The following N4BP2L2 variants were observed in gnomAD, a reference collection of about 807,000 sequenced individuals.
The protein encoded by N4BP2L2 is NEDD4 binding protein 2 like 2.
In N4BP2L2, 50 loss-of-function variants were observed where a neutral mutation model predicts 56.2. The ratio of observed to expected loss-of-function variants is 0.89; its 90% CI spans 0.71 to 1.13. N4BP2L2 has a LOEUF of 1.13. Ranked by LOEUF, N4BP2L2 falls within the 50% of genes most tolerant of loss-of-function variation. N4BP2L2 has a pLI of 0.00. For missense variants in N4BP2L2, 689 were observed against 693.8 expected, an observed-to-expected ratio of 0.99 and a Z score of 0.08; for synonymous variants, 203 against 223.6, an observed-to-expected ratio of 0.91 and a Z score of 0.82.
intron 3 of N4BP2L2, chr13:32,525,025 A>T (rs953540147): frequency 3.3e-5 from 5 of 152,300 alleles, no homozygotes; most frequent in Non-Finnish European, 7.3e-5. Flanking sequence ...GGCCTCCCAA[A>T]GTGCTGGGAT....
In N4BP2L2 at chr13:32,533,270, C is replaced by T. The variant is rs548747569; in HGVS notation, c.1259+2499G>A. Among the ~76,000 whole-genome samples, 4 of 152,132 alleles carry T rather than the reference C, an allele frequency of 2.6e-5. No homozygotes were observed. The South Asian group carries it at 6.2e-4, about 24-fold the overall frequency. ...TTAGGGGGAAAAGTGACATCTTTATCGGGCTATCCTACCCATAAACACCCT... is the reference window on the plus strand; with the variant it reads ...TTAGGGGGAAAAGTGACATCTTTATTGGGCTATCCTACCCATAAACACCCT... On this transcript the variant is annotated intron_variant, in intron 2 of 5. Transcript: ENST00000267068.
In N4BP2L2 at chr13:32,477,269, C is replaced by G. The variant is rs1041090195; in HGVS notation, c.366-33143G>C. On this transcript the variant is annotated intron_variant, in intron 6 of 9. Transcript: ENST00000357505. The stretch of plus-strand genomic sequence containing the variant: ...GGCTAAAAGGCTGCACCATTTACAT[C>G]AATGACCCCCTTAAGAACCATTTGC... 1.6e-4 allele frequency: 44 copies of G among 267,696 alleles called. No individual in the cohort carries two copies. The Admixed American group carries it at 2.0e-3, about 12-fold the overall frequency. The allele number at this position is 267,696 out of a possible 1,614,324, so 16.6% of individuals were successfully genotyped here.
intron 3 of N4BP2L2, chr13:32,522,577 TATAAG>T (rs549107146): frequency 9.7e-5 from 18 of 186,442 alleles, no homozygotes; most frequent in Non-Finnish European, 2.0e-4. Context: ...TTATGGGAAA[TATAAG>T]AGATGAACAA....
chr13:32,521,645 T>C (rs555784248), intron 4 of N4BP2L2, 196 bp from the exon 5 acceptor site: 1 of 484,454 alleles, frequency 2.1e-6, no homozygotes, highest in Non-Finnish European at 3.6e-6. Context: ...TCTCAAGGAA[T>C]AGTAATTCCT....
chr13:32,457,484 C>T (rs558640175), intron 6 of N4BP2L2, among the ~76,000 whole-genome samples: 1 of 152,202 alleles, frequency 6.6e-6, no homozygotes, highest in East Asian at 1.9e-4. Flanking sequence ...AAGAAAAAAA[C>T]ATCTAGTTAC....
At chr13:32,457,522 A>C (rs2079175963) in intron 6 of N4BP2L2, among the ~76,000 whole-genome samples, 1 of 152,242 alleles carries the variant, frequency 6.6e-6, no homozygotes. Flanking sequence ...TCAGATTAAC[A>C]GTGGATTTAT....
Position 32,443,928 on chromosome 13 carries a change from T to G in N4BP2L2, c.564A>C (p.Ser188=), listed in dbSNP as rs748430565. 13 of 1,589,688 alleles carry G rather than the reference T, an allele frequency of 8.2e-6. No individual in the cohort carries two copies. In the South Asian group the frequency reaches 1.5e-4, roughly 18 times the overall value. ...GTAGACCATCAATGAAGGGATATTCTGATTCTCTTCTGGTCTTTTCAATGT... is the reference window on the plus strand; with the variant it reads ...GTAGACCATCAATGAAGGGATATTCGGATTCTCTTCTGGTCTTTTCAATGT... Residue 188 remains serine, a synonymous_variant, in exon 7 of 10, where the codon TCA becomes TCC. Transcript: ENST00000357505.
At chr13:32,498,706 A>T (rs192164122) in intron 6 of N4BP2L2, among the ~76,000 whole-genome samples, 1,829 of 151,928 alleles carry the variant, frequency 0.012, 53 homozygotes, top group Non-Finnish European at 0.011. Context: ...GAATTTTTTT[A>T]AAAATTTATC....
At position 32,517,954 on chromosome 13, in the gene N4BP2L2, G is replaced by GATCCAAC; in HGVS notation, c.1593_1599dup (p.Arg534ValfsTer5). On this transcript the variant is annotated frameshift_variant, in exon 6 of 6. Coordinates refer to ENST00000267068, the Ensembl canonical transcript of N4BP2L2. LOFTEE classifies it high-confidence loss of function. Reference sequence around the variant, plus strand: ...GAAATGGACATTTGATATTCATAACGATCCAACATCTGAGCAATCTTCTTT... The same window carrying GATCCAAC: ...GAAATGGACATTTGATATTCATAACGATCCAACATCCAACATCTGAGCAATCTTCTTT... The GATCCAAC allele has an allele frequency of 1.2e-6, 2 of 1,613,876 alleles. No homozygotes were observed. The highest frequency in any genetic ancestry group is 2.2e-5 in the South Asian group (2 of 91,066).
chr13:32,498,863 G>A (rs1433811976), intron 6 of N4BP2L2, among the ~76,000 whole-genome samples: 1 of 150,746 alleles, frequency 6.6e-6, no homozygotes, highest in African/African-American at 2.4e-5. Flanking sequence ...GGGCAGGGTG[G>A]CACACACCTG....
downstream of N4BP2L2, chr13:32,505,465 T>C (rs868721046): frequency 6.6e-6 from 1 of 152,200 alleles, no homozygotes; most frequent in South Asian, 2.1e-4. Flanking sequence ...GACTGAGAAT[T>C]TTCCGAATCT....
intron 6 of N4BP2L2, among the ~76,000 whole-genome samples, chr13:32,451,782 C>G (rs2078073693): frequency 6.6e-6 from 1 of 151,390 alleles, no homozygotes; most frequent in African/African-American, 2.4e-5. Context: ...AACTCCTGGG[C>G]TCAAGCAATC....
At chr13:32,470,773 T>C (rs146164124) in intron 6 of N4BP2L2, among the ~76,000 whole-genome samples, 1 of 152,218 alleles carries the variant, frequency 6.6e-6, no homozygotes, top group Non-Finnish European at 1.5e-5. Flanking sequence ...CGGAGTATGC[T>C]GAGTACAAGT....
rs539023494 is a variant in N4BP2L2, at chr13:32,471,057, G to C, written c.366-26931C>G. ...CTGAACTCAGTGCAATGTGAATGAT[G>C]ATCAACAAGGAGGTGACACCTACAG... On this transcript the variant is annotated intron_variant, in intron 6 of 9. Coordinates refer to the N4BP2L2 transcript ENST00000357505. Among the ~76,000 whole-genome samples, 11 of 152,326 alleles carry C rather than the reference G, an allele frequency of 7.2e-5. No homozygotes were observed. The South Asian group carries it at 2.3e-3, about 32-fold the overall frequency.
In N4BP2L2 at chr13:32,535,770, G is replaced by A. The variant is rs200661050; in HGVS notation, c.1258C>T (p.Arg420Ter). 4.7e-5 allele frequency: 75 copies of A among 1,610,394 alleles called. No homozygotes were observed. Among genetic ancestry groups the A allele is most frequent in the South Asian group, 1.1e-4 (10 of 90,682 alleles). Residue 420 changes from arginine to a stop codon, truncating the protein, a stop_gained and splice_region_variant, in exon 2 of 6, where the codon CGA becomes TGA. Transcript: ENST00000267068. LOFTEE classifies it high-confidence loss of function. ...ATTCAGTTGGTATCCTTTACTTACC[G>A]AGACAATGTTGTTTTCCCAGAACCA...
chr13:32,465,015 G>A (rs2080963044), intron 6 of N4BP2L2, among the ~76,000 whole-genome samples: 1 of 151,746 alleles, frequency 6.6e-6, no homozygotes, highest in Non-Finnish European at 1.5e-5. Flanking sequence ...CACCGAGGAT[G>A]GAGTGCAGGG....
chr13:32,475,649 G>A (rs2083184659), intron 6 of N4BP2L2, among the ~76,000 whole-genome samples: 1 of 152,156 alleles, frequency 6.6e-6, no homozygotes, highest in Non-Finnish European at 1.5e-5. Flanking sequence ...AAGGGAAGAT[G>A]GAGCCTCCAT....
chr13:32,441,039 G>C (rs2076251101), intron 7 of N4BP2L2, among the ~76,000 whole-genome samples: 1 of 151,642 alleles, frequency 6.6e-6, no homozygotes, highest in Admixed American at 6.6e-5. Flanking sequence ...ATTTTTAGTA[G>C]AGGCATGTTT....
rs536824888 is a variant in N4BP2L2, at chr13:32,458,579, T to C, written c.366-14453A>G. ...AATGACAAATGGACTGATTTAGCAATAGGATATAATAATACTAAATATGTA... is the reference window on the plus strand; with the variant it reads ...AATGACAAATGGACTGATTTAGCAACAGGATATAATAATACTAAATATGTA... On this transcript the variant is annotated intron_variant, in intron 6 of 9. Coordinates refer to the N4BP2L2 transcript ENST00000357505. Among the ~76,000 whole-genome samples the C allele has an allele frequency of 7.2e-5, 11 of 152,192 alleles. No homozygotes were observed. In the East Asian group the frequency reaches 1.7e-3, roughly 24 times the overall value.
Sources: gnomAD v4.1 joint callset for allele counts (sites outside exome capture counted in the v4.1 genomes callset) on GRCh38, gnomAD v4.1.1 for gene constraint, MANE v1.5 for transcripts, NCBI Gene and HGNC (gene_info 2026-07-23, HGNC 2026-07-21) for gene names.